Variants in RSU1 observed in about 807,000 individuals in gnomAD.
The protein encoded by RSU1 is rsu-1.
A neutral mutation model predicts 31.1 loss-of-function variants in RSU1; 26 were observed. The ratio of observed to expected loss-of-function variants is 0.84; its 90% CI spans 0.61 to 1.16. The LOEUF (loss-of-function observed/expected upper bound fraction) is 1.16. RSU1 is among the 50% of genes most tolerant of loss of function. The pLI is 0.00. For missense variants in RSU1, 320 were observed against 339.1 expected (o/e 0.94, Z 0.44); for synonymous variants, 164 against 136.3 (o/e 1.20, Z -1.41).
At chr10:16,670,612 A>T (rs117564900) in intron 8 of RSU1, among the ~76,000 whole-genome samples, 4,304 of 152,220 alleles carry the variant, frequency 0.028, 80 homozygotes, top group Non-Finnish European at 0.043. Context: ...AGCCCATAAG[A>T]CATTCTCAAT....
chr10:16,783,192 T>C (rs908065918), intron 2 of RSU1, among the ~76,000 whole-genome samples: 5 of 152,076 alleles, frequency 3.3e-5, no homozygotes, highest in Admixed American at 6.5e-5. Context: ...ATTACAGGCA[T>C]CAGCCACTGT....
At chr10:16,786,017 G>T (rs1003328636) in intron 2 of RSU1, among the ~76,000 whole-genome samples, 1 of 152,118 alleles carries the variant, frequency 6.6e-6, no homozygotes, top group Non-Finnish European at 1.5e-5. Flanking sequence ...ATTTTGGATT[G>T]TAACAACTGT....
intron 2 of RSU1, among the ~76,000 whole-genome samples, chr10:16,783,957 C>T (rs774397279): frequency 5.9e-5 from 9 of 152,154 alleles, no homozygotes; most frequent in African/African-American, 1.2e-4. Flanking sequence ...TGAGAATTCA[C>T]GCTGCAGGTA....
chr10:16,607,856 A>C (rs2131465144), intron 8 of RSU1, among the ~76,000 whole-genome samples: 1 of 152,276 alleles, frequency 6.6e-6, no homozygotes, highest in Middle Eastern at 3.4e-3. Flanking sequence ...ATGGCATGAT[A>C]ATCTATAATT....
At chr10:16,682,745 C>T (rs1835354188) in intron 8 of RSU1, among the ~76,000 whole-genome samples, 1 of 152,134 alleles carries the variant, frequency 6.6e-6, no homozygotes, top group African/African-American at 2.4e-5. Flanking sequence ...AGAACCCTCT[C>T]TTGGGGTCTG....
intron 7 of RSU1, among the ~76,000 whole-genome samples, chr10:16,747,074 A>G (rs1387109794): frequency 6.6e-6 from 1 of 152,188 alleles, no homozygotes; most frequent in Non-Finnish European, 1.5e-5. Context: ...ACACAGCTCC[A>G]GCAATGGGGA....
At chr10:16,652,631 G>A (rs1834707731) in intron 8 of RSU1, among the ~76,000 whole-genome samples, 7 of 151,992 alleles carry the variant, frequency 4.6e-5, no homozygotes, top group Admixed American at 4.6e-4. Context: ...TCATAAACAT[G>A]GCAAATGTAT....
chr10:16,602,498 G>T (rs1216208704), intron 8 of RSU1, among the ~76,000 whole-genome samples: 3 of 152,192 alleles, frequency 2.0e-5, no homozygotes, highest in Admixed American at 6.5e-5. Context: ...TCCCATCTTG[G>T]TTTTGTTTTC....
intron 8 of RSU1, among the ~76,000 whole-genome samples, chr10:16,657,819 C>T (rs923835488): frequency 6.6e-6 from 1 of 152,044 alleles, no homozygotes; most frequent in African/African-American, 2.4e-5. Flanking sequence ...ATGGTGAAAC[C>T]CGATCTCTAC....
At chr10:16,600,864 T>G (rs567421194) in intron 8 of RSU1, among the ~76,000 whole-genome samples, 92 of 152,262 alleles carry the variant, frequency 6.0e-4, no homozygotes, top group Non-Finnish European at 1.2e-3. Context: ...GCCTGGCTGA[T>G]AGGTGGATTT....
intron 7 of RSU1, among the ~76,000 whole-genome samples, chr10:16,729,082 A>G (rs555696314): frequency 3.1e-4 from 47 of 152,364 alleles, no homozygotes; most frequent in African/African-American, 1.1e-3. Context: ...ATTTATCTCC[A>G]TTAGCACTTT....
At chr10:16,697,929 T>C (rs559458660) in intron 7 of RSU1, among the ~76,000 whole-genome samples, 1 of 150,610 alleles carries the variant, frequency 6.6e-6, no homozygotes, top group Non-Finnish European at 1.5e-5. Context: ...TTTTCAATCA[T>C]TTACACAACT....
intron 2 of RSU1, among the ~76,000 whole-genome samples, chr10:16,810,744 C>G (rs1454673234): frequency 1.3e-5 from 2 of 152,122 alleles, no homozygotes; most frequent in African/African-American, 2.4e-5. Context: ...TAGTCATGCA[C>G]CGCTTAATAA....
At chr10:16,597,879 G>A (rs1251009556) in intron 8 of RSU1, among the ~76,000 whole-genome samples, 2 of 152,200 alleles carry the variant, frequency 1.3e-5, no homozygotes, top group African/African-American at 4.8e-5. Flanking sequence ...TCCGCCGCAC[G>A]ATCCTTTAAC....
At chr10:16,697,162 T>C (rs1427960289) in intron 7 of RSU1, among the ~76,000 whole-genome samples, 1 of 152,130 alleles carries the variant, frequency 6.6e-6, no homozygotes, top group African/African-American at 2.4e-5. Flanking sequence ...GGTTACAAAC[T>C]GGACAACAGT....
intron 2 of RSU1, among the ~76,000 whole-genome samples, chr10:16,799,094 A>C (rs759391913): frequency 6.6e-6 from 1 of 152,220 alleles, no homozygotes; most frequent in Non-Finnish European, 1.5e-5. Context: ...TAGAACTAAG[A>C]CTACGTGAGG....
chr10:16,737,774 T>C (rs1166329104), intron 7 of RSU1, among the ~76,000 whole-genome samples: 3 of 151,414 alleles, frequency 2.0e-5, no homozygotes, highest in Non-Finnish European at 4.4e-5. Flanking sequence ...AAAAACAATA[T>C]TACTGGGAGT....
chr10:16,640,593 AC>A (rs1834424089), intron 8 of RSU1, among the ~76,000 whole-genome samples: 1 of 152,034 alleles, frequency 6.6e-6, no homozygotes, highest in African/African-American at 2.4e-5. Flanking sequence ...ACTGGTGACT[AC>A]TCCAAGCATA....
chr10:16,701,597 G>A (rs1376975066), intron 7 of RSU1, among the ~76,000 whole-genome samples: 4 of 149,834 alleles, frequency 2.7e-5, no homozygotes, highest in Admixed American at 1.4e-4. Flanking sequence ...GGATCTAGTC[G>A]GGGAAGATAG....
Sources: gnomAD v4.1 joint callset for allele counts (sites outside exome capture counted in the v4.1 genomes callset) on GRCh38, gnomAD v4.1.1 for gene constraint, MANE v1.5 for transcripts, NCBI Gene and HGNC (gene_info 2026-07-23, HGNC 2026-07-21) for gene names.